Variants in SLIT2 observed in about 807,000 individuals in gnomAD.
The protein encoded by SLIT2 is slit guidance ligand 2, also known as slit homolog 2 protein.
Under a neutral mutation model 185.7 loss-of-function variants are expected in SLIT2, and 41 were observed. That is an observed-to-expected ratio of 0.22 (90% CI 0.17 to 0.29). SLIT2 has a LOEUF of 0.29. SLIT2 is among the 10% of genes least tolerant of loss of function. The probability of loss-of-function intolerance (pLI) is 1.00; values close to 1 mark genes in which losing one functional copy is unlikely to be tolerated. For synonymous variants in SLIT2, 693 were observed against 680.2 expected, an observed-to-expected ratio of 1.02 and a Z score of -0.29; for missense variants, 1,571 against 1,909.0, an observed-to-expected ratio of 0.82 and a Z score of 3.30.
intron 5 of SLIT2, among the ~76,000 whole-genome samples, chr4:20,472,365 G>T (rs779989546): frequency 7.9e-4 from 22 of 27,696 alleles, no homozygotes; most frequent in South Asian, 1.5e-3. Context: ...TATCTATATA[G>T]ATATCTATAT....
At chr4:20,341,954 T>G (rs1720995374) in intron 4 of SLIT2, among the ~76,000 whole-genome samples, 1 of 152,210 alleles carries the variant, frequency 6.6e-6, no homozygotes, top group African/African-American at 2.4e-5. Flanking sequence ...ATGGTTAACT[T>G]CCTAGAGTTT....
chr4:20,369,538 C>T (rs1041696320), intron 4 of SLIT2, among the ~76,000 whole-genome samples: 4 of 152,088 alleles, frequency 2.6e-5, no homozygotes, highest in South Asian at 2.1e-4. Context: ...AGGCCCCTTA[C>T]GGAAAACGTT....
intron 3 of SLIT2, among the ~76,000 whole-genome samples, chr4:20,268,576 C>T (rs1713279333): frequency 6.6e-6 from 1 of 151,814 alleles, no homozygotes; most frequent in African/African-American, 2.4e-5. Flanking sequence ...CACAGGATTT[C>T]AGTTTAAAGT....
intron 34 of SLIT2, 117 bp from the exon 35 acceptor site, chr4:20,616,793 C>A: frequency 8.7e-7 from 1 of 1,151,688 alleles, no homozygotes; most frequent in Non-Finnish European, 1.2e-6. Flanking sequence ...TACCACCCTG[C>A]CCAAATATCC....
At chr4:20,334,765 G>T (rs1230892774) in intron 4 of SLIT2, among the ~76,000 whole-genome samples, 2 of 152,046 alleles carry the variant, frequency 1.3e-5, no homozygotes, top group Non-Finnish European at 2.9e-5. Flanking sequence ...TTGAATCCTT[G>T]TTACACTTAT....
chr4:20,481,998 A>G (rs1165462323), intron 6 of SLIT2, among the ~76,000 whole-genome samples: 1 of 152,062 alleles, frequency 6.6e-6, no homozygotes, highest in Non-Finnish European at 1.5e-5. Flanking sequence ...CAAAGTGCTT[A>G]TCATATACAT....
intron 4 of SLIT2, among the ~76,000 whole-genome samples, chr4:20,383,001 CAT>C (rs910075552): frequency 6.6e-6 from 1 of 152,104 alleles, no homozygotes; most frequent in African/African-American, 2.4e-5. Flanking sequence ...TATATAACCA[CAT>C]ACATGGTTAG....
chr4:20,282,079 A>T (rs1210307382), intron 4 of SLIT2, among the ~76,000 whole-genome samples: 3 of 152,196 alleles, frequency 2.0e-5, no homozygotes, highest in Non-Finnish European at 4.4e-5. Context: ...TCAAAATCAG[A>T]TGAAGAACTT....
intron 4 of SLIT2, among the ~76,000 whole-genome samples, chr4:20,296,135 A>G (rs1009628670): frequency 6.6e-5 from 10 of 152,234 alleles, no homozygotes; most frequent in Non-Finnish European, 1.5e-4. Context: ...TGTTATGCTT[A>G]TGAGAATAAA....
chr4:20,580,665 A>G (rs1436652402), intron 29 of SLIT2, among the ~76,000 whole-genome samples: 1 of 152,136 alleles, frequency 6.6e-6, no homozygotes, highest in East Asian at 1.9e-4. Context: ...GCTCCCCTCC[A>G]ACAGAGGAGT....
rs1172200931 is a variant in SLIT2 at position 20,541,346 on chromosome 4, A to C, written c.1977-107A>C. On this transcript the variant is annotated intron_variant, in intron 19 of 36. Coordinates refer to ENST00000504154, the MANE Select transcript of SLIT2 (RefSeq NM_004787.4). ...ATGGGGACAGGGAATGCAAAGAAGA[A>C]GGAATCATTCCAGCGGAAATAGCGT... 3.4e-6 allele frequency: 3 copies of C among 886,604 alleles called. No homozygotes were observed. In the East Asian group the frequency reaches 7.6e-5, roughly 22 times the overall value. The allele number at this position is 886,604 out of a possible 1,614,324, so 54.9% of individuals were successfully genotyped here. A position where few individuals can be genotyped will look rare whatever the true frequency, so the allele number is the denominator to read the frequency against.
At position 20,253,527 on chromosome 4, in the gene SLIT2, C is replaced by T; in HGVS notation, c.-289C>T. 2.1e-6 allele frequency: 1 copy of T among 474,778 alleles called. No homozygotes were observed. The highest frequency in any genetic ancestry group is 3.8e-6 in the Non-Finnish European group (1 of 264,302). 29.4% of individuals were successfully genotyped at this position (474,778 alleles called of 1,614,324 possible). A position where few individuals can be genotyped will look rare whatever the true frequency, so the allele number is the denominator to read the frequency against. On this transcript the variant is annotated 5_prime_UTR_variant, in exon 1 of 37. Transcript: ENST00000504154. ...AGACAGAAGACGCGTGATCTCCTCT[C>T]CGCTGCTCTTGGGGTCTCCTTGCAG...
chr4:20,317,237 G>C (rs1718680270), intron 4 of SLIT2, among the ~76,000 whole-genome samples: 1 of 151,018 alleles, frequency 6.6e-6, no homozygotes, highest in African/African-American at 2.4e-5. Context: ...TGATGACATG[G>C]TATATTTACA....
intron 28 of SLIT2, 21 bp from the exon 29 acceptor site, chr4:20,568,844 C>G: frequency 6.3e-7 from 1 of 1,597,808 alleles, no homozygotes; most frequent in Non-Finnish European, 8.5e-7. Context: ...TGTTTTTTGC[C>G]TTTTCTCCTC....
chr4:20,590,195 GC>G (rs1727407277), intron 30 of SLIT2, among the ~76,000 whole-genome samples: 1 of 152,040 alleles, frequency 6.6e-6, no homozygotes, highest in African/African-American at 2.4e-5. Flanking sequence ...GTGAGCCACC[GC>G]GCCCAGCCCC....
In SLIT2 at chr4:20,553,979, T is replaced by C. The variant is rs1310135336; in HGVS notation, c.2725+11T>C. ...AATTTACCTGTCAAGGTATGGTTTT[T>C]AATCATTTGTATTTCTTTTAAGAAT... On this transcript the variant is annotated intron_variant, in intron 26 of 36. Coordinates refer to ENST00000504154, the MANE Select transcript of SLIT2 (RefSeq NM_004787.4). 1 of 1,565,990 alleles carries C rather than the reference T, an allele frequency of 6.4e-7. No homozygotes were observed. The highest frequency in any genetic ancestry group is 1.4e-5 in the African/African-American group (1 of 72,434).
chr4:20,511,038 T>G lies in SLIT2; in HGVS notation c.987-28T>G, dbSNP rs748977369. The G allele has an allele frequency of 3.0e-5, 42 of 1,419,236 alleles. No individual in the cohort carries two copies. The South Asian group carries it at 4.8e-4, about 16-fold the overall frequency. 87.9% of individuals were successfully genotyped at this position (1,419,236 alleles called of 1,614,324 possible). A position where few individuals can be genotyped will look rare whatever the true frequency, so the allele number is the denominator to read the frequency against. On this transcript the variant is annotated intron_variant, in intron 10 of 36. Transcript: ENST00000504154. Reference sequence around the variant, plus strand: ...TAAATCTCACTGACATTTGATTGAATGTAACCTAACCCTATTTCTAATCTT... The same window carrying G: ...TAAATCTCACTGACATTTGATTGAAGGTAACCTAACCCTATTTCTAATCTT...
chr4:20,540,291 GAA>G (rs569255349), intron 19 of SLIT2, among the ~76,000 whole-genome samples: 2 of 133,412 alleles, frequency 1.5e-5, no homozygotes. Flanking sequence ...CCATCTCAAG[GAA>G]AAAAAAAAAA....
In SLIT2 at chr4:20,360,834, A is replaced by T. The variant is rs79249439; in HGVS notation, c.395+91953A>T. On this transcript the variant is annotated intron_variant, in intron 4 of 36. Transcript: ENST00000504154. ...ATTTATTGAGAGCTTACTAGGTGTC[A>T]GCCAGTGCTGTATCCACATTACATG... Among the ~76,000 whole-genome samples, 829 of 152,268 alleles carry T rather than the reference A, an allele frequency of 5.4e-3. 6 individuals carry two copies. The highest frequency in any genetic ancestry group is 0.019 in the African/African-American group (792 of 41,556).
Sources: allele counts gnomAD v4.1 joint callset (sites outside exome capture counted in the v4.1 genomes callset), GRCh38; gene constraint gnomAD v4.1.1; transcripts MANE v1.5; gene names NCBI Gene and HGNC (gene_info 2026-07-23, HGNC 2026-07-21).